The following ANK3 variants were observed in gnomAD, a reference collection of about 807,000 sequenced individuals.
The protein encoded by ANK3 is ankyrin 3, also known as ankyrin-3.
In ANK3, 57 loss-of-function variants were observed where a neutral mutation model predicts 370.9. The observed-to-expected ratio is 0.15, with a 90% CI of 0.12 to 0.19. The LOEUF (loss-of-function observed/expected upper bound fraction) is 0.19. ANK3 is among the 10% of genes least tolerant of loss of function. The pLI, the probability that ANK3 is intolerant of heterozygous loss-of-function variation, is 1.00. For missense variants in ANK3, 4,439 were observed against 5,302.1 expected (o/e 0.84, Z 5.06); for synonymous variants, 1,929 against 1,946.3 (o/e 0.99, Z 0.23).
At chr10:60,682,319 G>C (rs775471963) in intron 1 of ANK3, among the ~76,000 whole-genome samples, 1 of 151,930 alleles carries the variant, frequency 6.6e-6, no homozygotes, top group African/African-American at 2.4e-5. Context: ...ACACCAAATC[G>C]GACATCCTGG....
At chr10:60,295,398 GA>G (rs1593221244) in intron 1 of ANK3, among the ~76,000 whole-genome samples, 1 of 152,314 alleles carries the variant, frequency 6.6e-6, no homozygotes, top group East Asian at 1.9e-4. Context: ...CGAGCAGTTA[GA>G]AATGGCATGG....
At chr10:60,034,793 CCCTTCTTTTCTCTTTTT>C (rs2074538535) in intron 43 of ANK3, among the ~76,000 whole-genome samples, 2 of 152,182 alleles carry the variant, frequency 1.3e-5, no homozygotes, top group African/African-American at 4.8e-5. Context: ...CTCTCTCTTT[CCCTTCTTTTCTCTTTTT>C]CCTTCTCTGT....
At chr10:60,715,751 T>C (rs2079777591) in intron 1 of ANK3, among the ~76,000 whole-genome samples, 1 of 152,244 alleles carries the variant, frequency 6.6e-6, no homozygotes, top group African/African-American at 2.4e-5. Context: ...TATTCTACCA[T>C]GAATGTTACG....
At chr10:60,265,686 G>C (rs146806806) in intron 5 of ANK3, among the ~76,000 whole-genome samples, 1 of 152,074 alleles carries the variant, frequency 6.6e-6, no homozygotes, top group South Asian at 2.1e-4. Context: ...ACACATAGGA[G>C]CACATATGCA....
intron 2 of ANK3, among the ~76,000 whole-genome samples, chr10:60,421,169 G>A (rs577611833): frequency 1.4e-4 from 22 of 152,046 alleles, no homozygotes; most frequent in Admixed American, 5.9e-4. Context: ...AGAGATTTCC[G>A]GAGCGAAGAG....
chr10:60,065,513 A>G (rs1000511679), intron 38 of ANK3, among the ~76,000 whole-genome samples: 3 of 152,214 alleles, frequency 2.0e-5, no homozygotes, highest in Non-Finnish European at 2.9e-5. Context: ...TTATCTTTTG[A>G]CCAAGTGATT....
rs1408964906 is a variant in ANK3 at position 60,085,337 on chromosome 10, G to A, written c.3749-84C>T. The A allele has an allele frequency of 3.8e-6, 4 of 1,051,208 alleles. No individual in the cohort carries two copies. The African/African-American group carries it at 6.4e-5, about 17-fold the overall frequency. The allele number at this position is 1,051,208 out of a possible 1,614,324, so 65.1% of individuals were successfully genotyped here. Reference sequence around the variant, plus strand: ...TTCATCAGATCCTGTTCTTCTTTCTGCATAGCCACAAACTGGCAAAACTTC... The same window carrying A: ...TTCATCAGATCCTGTTCTTCTTTCTACATAGCCACAAACTGGCAAAACTTC... On this transcript the variant is annotated intron_variant, in intron 30 of 43. Coordinates refer to ENST00000280772, the MANE Select transcript of ANK3 (RefSeq NM_020987.5).
At chr10:60,236,662 T>G (rs2097339017) in intron 7 of ANK3, among the ~76,000 whole-genome samples, 2 of 152,202 alleles carry the variant, frequency 1.3e-5, no homozygotes, top group Non-Finnish European at 2.9e-5. Context: ...TTTCCACAGA[T>G]GGAAAGGTTG....
intron 1 of ANK3, among the ~76,000 whole-genome samples, chr10:60,320,415 G>A (rs1415463533): frequency 6.6e-6 from 1 of 152,154 alleles, no homozygotes; most frequent in Non-Finnish European, 1.5e-5. Context: ...CCAACATGGT[G>A]AAACGCTGTC....
intron 23 of ANK3, among the ~76,000 whole-genome samples, chr10:60,155,067 C>A (rs1490388740): frequency 6.6e-6 from 1 of 151,934 alleles, no homozygotes; most frequent in African/African-American, 2.4e-5. Context: ...CACAGGAACC[C>A]CAAACTGAAC....
At chr10:60,112,379 A>G (rs1183122323) in intron 26 of ANK3, among the ~76,000 whole-genome samples, 2 of 151,746 alleles carry the variant, frequency 1.3e-5, no homozygotes, top group African/African-American at 4.8e-5. Context: ...CTTTTCCAAT[A>G]TTAGACCCAT....
rs866744978 is a variant in ANK3, at chr10:60,301,158, G to A, written c.115-21519C>T. Among the ~76,000 whole-genome samples, 4 of 145,562 alleles carry A rather than the reference G, an allele frequency of 2.7e-5. No homozygotes were observed. In the South Asian group the frequency reaches 8.6e-4, roughly 31 times the overall value. On this transcript the variant is annotated intron_variant, in intron 1 of 43. Coordinates refer to ENST00000280772, the MANE Select transcript of ANK3 (RefSeq NM_020987.5). ...TATATATATATATGTATCTGTGTGT[G>A]TATATATATATACACACTATATATA...
At chr10:60,637,611 C>T (rs1337588957) in intron 1 of ANK3, among the ~76,000 whole-genome samples, 4 of 151,908 alleles carry the variant, frequency 2.6e-5, no homozygotes, top group South Asian at 2.1e-4. Flanking sequence ...CCTTCTCTGA[C>T]ATAGTGAAAA....
Position 60,386,092 on chromosome 10 carries a change from TGGACCAGGGCCCTGCTG to T in ANK3, c.114+3316_114+3332del, listed in dbSNP as rs564440189. On this transcript the variant is annotated intron_variant, in intron 1 of 43. Transcript: ENST00000280772. ...TGAGCCACCTACCAACCACTGCTCA[TGGACCAGGGCCCTGCTG>T]GGAGCAGGGGATATAAACAGCTCTT... Among the ~76,000 whole-genome samples, 215 of 152,190 alleles carry T rather than the reference TGGACCAGGGCCCTGCTG, an allele frequency of 1.4e-3. 1 individual carries two copies. Among genetic ancestry groups the T allele is most frequent in the Non-Finnish European group, 2.2e-3 (149 of 67,998 alleles).
At chr10:60,422,124 T>TA (rs1312617723) in intron 2 of ANK3, among the ~76,000 whole-genome samples, 1 of 152,084 alleles carries the variant, frequency 6.6e-6, no homozygotes, top group African/African-American at 2.4e-5. Context: ...CAGTAGTTTT[T>TA]AAATGTTGAC....
chr10:60,478,672 T>C (rs2075133411), intron 2 of ANK3, among the ~76,000 whole-genome samples: 1 of 152,102 alleles, frequency 6.6e-6, no homozygotes, highest in Non-Finnish European at 1.5e-5. Flanking sequence ...TCACTTTCAT[T>C]GACAGAACTA....
At chr10:60,128,815 A>C (rs2093914793) in intron 25 of ANK3, among the ~76,000 whole-genome samples, 1 of 152,188 alleles carries the variant, frequency 6.6e-6, no homozygotes, top group Non-Finnish European at 1.5e-5. Context: ...TTTCACCACC[A>C]CCATAAGTGT....
intron 16 of ANK3, among the ~76,000 whole-genome samples, chr10:60,193,472 A>G (rs2096530050): frequency 1.3e-5 from 2 of 151,140 alleles, no homozygotes; most frequent in Admixed American, 6.6e-5. Context: ...GCTGGCCAAC[A>G]TGAAGAAACC....
intron 2 of ANK3, among the ~76,000 whole-genome samples, chr10:60,476,106 G>A (rs146285556): frequency 3.9e-5 from 6 of 152,280 alleles, no homozygotes; most frequent in African/African-American, 1.4e-4. Context: ...GAGAAATGAA[G>A]TCATACCTAC....
Sources: allele counts gnomAD v4.1 joint callset (sites outside exome capture counted in the v4.1 genomes callset), GRCh38; gene constraint gnomAD v4.1.1; transcripts MANE v1.5; gene names NCBI Gene and HGNC (gene_info 2026-07-23, HGNC 2026-07-21).